Variants in METTL25B observed in about 807,000 individuals in gnomAD.
METTL25B encodes methyltransferase like 25B, also known as methyltransferase-like protein 25B.
Under a neutral mutation model 48.4 loss-of-function variants are expected in METTL25B, and 38 were observed. That is an observed-to-expected ratio of 0.78 (90% CI 0.61 to 1.03). The LOEUF (loss-of-function observed/expected upper bound fraction) is 1.03. METTL25B is among the 50% of genes least tolerant of loss of function. The pLI, the probability that METTL25B is intolerant of heterozygous loss-of-function variation, is 0.00. For missense variants in METTL25B, 537 were observed against 603.7 expected (o/e 0.89, Z 1.16); for synonymous variants, 230 against 254.5 (o/e 0.90, Z 0.92).
rs1465496659 is a variant in METTL25B, at chr1:156,734,281, T to C, written c.909T>C (p.Ala303=). 1.2e-6 allele frequency: 2 copies of C among 1,614,014 alleles called. No homozygotes were observed. The highest frequency in any genetic ancestry group is 1.3e-5 in the African/African-American group (1 of 74,914). ...PGGYPLSQWV[A]GLPGYELPYR... is the part of the protein sequence containing the mutation. ...GCTACCCACTGAGTCAGTGGGTGGC[T>C]GGGCTGCCTGGCTATGAACTGCCCT... The change falls in exon 6 of 8, where the codon GCT becomes GCC. Residue 303 remains alanine, a synonymous_variant. Coordinates refer to ENST00000368216, the MANE Select transcript of METTL25B (RefSeq NM_015997.4).
chr1:156,735,700 G>C, intron 6 of METTL25B, 25 bp from the exon 7 acceptor site: 1 of 1,564,528 alleles, frequency 6.4e-7, no homozygotes, highest in Non-Finnish European at 8.7e-7. Context: ...ACCAAACTGA[G>C]TGCTGAATGT....
In METTL25B at chr1:156,729,132, T is replaced by C; in HGVS notation, c.28T>C (p.Ser10Pro). The C allele has an allele frequency of 6.2e-7, 1 of 1,608,918 alleles. No individual in the cohort carries two copies. Among genetic ancestry groups the C allele is most frequent in the Non-Finnish European group, 8.5e-7 (1 of 1,178,272 alleles). The part of the protein sequence containing the change: MPGISARGL[S>P]HEGRKQLAVN... ...GCCGGGCATCTCCGCCCGAGGCCTCTCTCATGAGGGGAGGAAGCAGCTAGC... is the reference window on the plus strand; with the variant it reads ...GCCGGGCATCTCCGCCCGAGGCCTCCCTCATGAGGGGAGGAAGCAGCTAGC... The change falls in exon 1 of 8, where the codon TCT (serine) becomes CCT (proline). Residue 10 changes from serine (S) to proline (P), a missense_variant. Transcript: ENST00000368216.
rs758048888 is a variant in METTL25B, at chr1:156,735,708, T to C, written c.1122-17T>C. 6 of 1,584,628 alleles carry C rather than the reference T, an allele frequency of 3.8e-6. No homozygotes were observed. Among genetic ancestry groups the C allele is most frequent in the South Asian group, 1.1e-5 (1 of 89,062 alleles). ...TCTTAAAACCAAACTGAGTGCTGAA[T>C]GTGACTGATCCCACAGATATGTGCA... On this transcript the variant is annotated splice_polypyrimidine_tract_variant and intron_variant, in intron 6 of 7. Coordinates refer to ENST00000368216, the MANE Select transcript of METTL25B (RefSeq NM_015997.4).
chr1:156,731,893 C>A, intron 1 of METTL25B, 98 bp from the exon 2 acceptor site: 1 of 1,497,234 alleles, frequency 6.7e-7, no homozygotes. Flanking sequence ...GGCAGCAGTG[C>A]TGGGAAGAGG....
At chr1:156,735,376 TAGAC>T (rs780287716) in intron 6 of METTL25B, among the ~76,000 whole-genome samples, 24 of 146,612 alleles carry the variant, frequency 1.6e-4, no homozygotes, top group African/African-American at 3.6e-4. Flanking sequence ...AATTTACTAT[TAGAC>T]AGACAGCTCA....
chr1:156,733,208 A>G (rs984321599), intron 4 of METTL25B, among the ~76,000 whole-genome samples, 161 bp downstream of exon 4: 3 of 152,122 alleles, frequency 2.0e-5, no homozygotes, highest in African/African-American at 4.8e-5. Context: ...AGATTTAACA[A>G]TGGGGGAGTT....
In METTL25B at chr1:156,734,214, C is replaced by T; in HGVS notation, c.842C>T (p.Ala281Val). 2.5e-6 allele frequency: 4 copies of T among 1,614,220 alleles called. No individual in the cohort carries two copies. The highest frequency in any genetic ancestry group is 3.4e-6 in the Non-Finnish European group (4 of 1,180,042). The change falls in exon 6 of 8, where the codon GCC becomes GTC. Residue 281 changes from alanine to valine, a missense_variant. By Grantham distance (64) the Ala-to-Val change is moderately conservative (BLOSUM62 0). Coordinates refer to ENST00000368216, the MANE Select transcript of METTL25B (RefSeq NM_015997.4). ...FSCCPEVVAL[A>V]SVGCCYMKLS... Reference sequence around the variant, plus strand: ...TGCTGTCCTGAGGTGGTGGCCCTGGCCTCAGTGGGCTGCTGCTACATGAAG... The same window carrying T: ...TGCTGTCCTGAGGTGGTGGCCCTGGTCTCAGTGGGCTGCTGCTACATGAAG...
intron 3 of METTL25B, 81 bp downstream of exon 3, chr1:156,732,554 T>C: frequency 2.2e-6 from 3 of 1,355,666 alleles, no homozygotes. Flanking sequence ...GTGTGCCCTT[T>C]ACCTCACATG....
intron 6 of METTL25B, among the ~76,000 whole-genome samples, chr1:156,734,877 T>TA (rs1649620226): frequency 1.3e-5 from 2 of 151,156 alleles, no homozygotes; most frequent in Admixed American, 6.6e-5. Flanking sequence ...ACTTTCAGCA[T>TA]AGCCTAAAGA....
chr1:156,733,081 G>C, intron 4 of METTL25B, 34 bp downstream of exon 4: 2 of 1,600,004 alleles, frequency 1.3e-6, no homozygotes, highest in South Asian at 2.2e-5. Context: ...GTTTTTTTGA[G>C]TCATGGGGAC....
chr1:156,736,741 T>C lies in METTL25B; in HGVS notation c.1416T>C (p.Thr472=), dbSNP rs777960533. ...PLGQALSVLE[T]EDS ...GTCAGGCTCTTTCTGTTCTGGAGAC[T>C]GAAGACAGCTGATGCAGCCTGAGGA... The change falls in exon 8 of 8, where the codon ACT becomes ACC. Residue 472 remains threonine, a synonymous_variant. Coordinates refer to ENST00000368216, the MANE Select transcript of METTL25B (RefSeq NM_015997.4). 43 of 1,612,062 alleles carry C rather than the reference T, an allele frequency of 2.7e-5. No homozygotes were observed. The highest frequency in any genetic ancestry group is 3.6e-5 in the Non-Finnish European group (42 of 1,179,974).
Position 156,728,504 on chromosome 1 carries a change from C to A in METTL25B, c.-601C>A. On this transcript the variant is annotated 5_prime_UTR_variant, in exon 1 of 8. Transcript: ENST00000368216. ...GACGAAGCCCGGGAAGGCAGGCGCG[C>A]GGGTTAGAACGCGCCAGAGGTCGGC... 1.0e-6 allele frequency: 1 copy of A among 985,470 alleles called. No individual in the cohort carries two copies. The highest frequency in any genetic ancestry group is 1.2e-6 in the Non-Finnish European group (1 of 829,872). The allele number at this position is 985,470 out of a possible 1,614,324, so 61.0% of individuals were successfully genotyped here.
chr1:156,729,362 G>A (rs1350242236), intron 1 of METTL25B, 147 bp downstream of exon 1: 2 of 538,256 alleles, frequency 3.7e-6, no homozygotes, highest in Non-Finnish European at 3.3e-6. Flanking sequence ...GGTTAAAACT[G>A]GAGTGATCCC....
At chr1:156,733,241 G>A in intron 4 of METTL25B, 136 bp from the exon 5 acceptor site, 1 of 1,101,122 alleles carries the variant, frequency 9.1e-7, no homozygotes. Context: ...AAGCCACACT[G>A]ATGTTAATAA....
intron 1 of METTL25B, 190 bp downstream of exon 1, chr1:156,729,405 CT>C (rs1003801619): frequency 1.9e-4 from 77 of 402,556 alleles, no homozygotes; most frequent in East Asian, 5.0e-4. Context: ...AATAATATTT[CT>C]TTTTTTTTCT....
chr1:156,731,846 A>C, intron 1 of METTL25B, 145 bp from the exon 2 acceptor site: 3 of 1,021,524 alleles, frequency 2.9e-6, no homozygotes. Flanking sequence ...TCGGCTTAGC[A>C]GGAGGTACCT....
chr1:156,731,287 C>A (rs1188286425), intron 1 of METTL25B, among the ~76,000 whole-genome samples: 1 of 152,188 alleles, frequency 6.6e-6, no homozygotes, highest in African/African-American at 2.4e-5. Flanking sequence ...ACATGCCTGG[C>A]AAATTTTTGT....
chr1:156,733,124 C>G, intron 4 of METTL25B, 77 bp downstream of exon 4: 2 of 1,386,178 alleles, frequency 1.4e-6, no homozygotes, highest in Non-Finnish European at 2.0e-6. Flanking sequence ...TATCGGGCCA[C>G]AGGCCCAGCG....
At position 156,728,842 on chromosome 1, in the gene METTL25B, C is replaced by T; in HGVS notation, c.-263C>T. The T allele has an allele frequency of 1.3e-6, 1 of 782,748 alleles. No individual in the cohort carries two copies. The highest frequency in any genetic ancestry group is 1.8e-6 in the Non-Finnish European group (1 of 568,116). 48.5% of individuals were successfully genotyped at this position (782,748 alleles called of 1,614,324 possible). A position where few individuals can be genotyped will look rare whatever the true frequency, so the allele number is the denominator to read the frequency against. ...TCAGCGGCACGCTTTTGTGGCGTCACTGCACTGTTACCCCGCCCTACGTGT... is the reference window on the plus strand; with the variant it reads ...TCAGCGGCACGCTTTTGTGGCGTCATTGCACTGTTACCCCGCCCTACGTGT... On this transcript the variant is annotated 5_prime_UTR_variant, in exon 1 of 8. Transcript: ENST00000368216.
Sources: allele counts gnomAD v4.1 joint callset (sites outside exome capture counted in the v4.1 genomes callset), GRCh38; gene constraint gnomAD v4.1.1; transcripts MANE v1.5; gene names NCBI Gene and HGNC (gene_info 2026-07-23, HGNC 2026-07-21).